Variants in CFTR observed in about 807,000 individuals in gnomAD.
CFTR encodes the protein cystic fibrosis transmembrane conductance regulator.
Under a neutral mutation model 171.6 loss-of-function variants are expected in CFTR, and 181 were observed. That is an observed-to-expected ratio of 1.05 (90% confidence interval 0.93 to 1.19). The LOEUF (loss-of-function observed/expected upper bound fraction) is 1.19, where lower values mean the gene tolerates loss of function less well. Ranked by LOEUF, CFTR falls within the 50% of genes most tolerant of loss-of-function variation. CFTR has a pLI of 0.00. For missense variants in CFTR, 1,968 were observed against 1,734.7 expected, an observed-to-expected ratio of 1.13 and a Z score of -2.39; for synonymous variants, 583 against 608.0, an observed-to-expected ratio of 0.96 and a Z score of 0.60.
chr7:117,530,264 A>G (rs768886385), intron 3 of CFTR, among the ~76,000 whole-genome samples: 4 of 152,152 alleles, frequency 2.6e-5, no homozygotes, highest in Non-Finnish European at 5.9e-5. Context: ...AGGGACTAGC[A>G]TTGGAAGTGG....
At chr7:117,604,712 C>T (rs988520588) in intron 17 of CFTR, 1 of 152,162 alleles carries the variant, frequency 6.6e-6, no homozygotes, top group African/African-American at 2.4e-5. Flanking sequence ...ATGTGTGTTG[C>T]TGAAATATTG....
intron 2 of CFTR, among the ~76,000 whole-genome samples, chr7:117,506,496 T>C (rs1798419618): frequency 6.6e-6 from 1 of 152,194 alleles, no homozygotes; most frequent in African/African-American, 2.4e-5. Context: ...TCTGCCCACC[T>C]TGGCCTCCCA....
chr7:117,561,429 G>T (rs1196098157), intron 11 of CFTR, among the ~76,000 whole-genome samples: 2 of 151,940 alleles, frequency 1.3e-5, no homozygotes, highest in Non-Finnish European at 2.9e-5. Flanking sequence ...CTCTTGAAAA[G>T]AAATCCTGTG....
At chr7:117,613,920 A>G (rs2116093723) in intron 20 of CFTR, among the ~76,000 whole-genome samples, 1 of 151,058 alleles carries the variant, frequency 6.6e-6, no homozygotes, top group Middle Eastern at 3.5e-3. Context: ...ATGAATTTTA[A>G]TTAGCTGTCC....
chr7:117,648,656 C>T (rs1381934608), intron 23 of CFTR, among the ~76,000 whole-genome samples: 1 of 152,054 alleles, frequency 6.6e-6, no homozygotes, highest in African/African-American at 2.4e-5. Flanking sequence ...GGGCAAACCA[C>T]GTAACTTCTC....
chr7:117,613,182 C>A (rs1792431805), intron 20 of CFTR, among the ~76,000 whole-genome samples: 1 of 152,104 alleles, frequency 6.6e-6, no homozygotes, highest in African/African-American at 2.4e-5. Context: ...AAAATAAGAT[C>A]AAAGAAGGCT....
At chr7:117,558,803 CTTTG>C (rs1799405899) in intron 10 of CFTR, among the ~76,000 whole-genome samples, 1 of 152,004 alleles carries the variant, frequency 6.6e-6, no homozygotes, top group Non-Finnish European at 1.5e-5. Context: ...ACCCCATTTC[CTTTG>C]TTTGTTTATT....
chr7:117,642,456 AC>A lies in CFTR; in HGVS notation c.3737del (p.Thr1246MetfsTer13). The A allele has an allele frequency of 6.2e-7, 1 of 1,613,678 alleles. No individual in the cohort carries two copies. Among genetic ancestry groups the A allele is most frequent in the Non-Finnish European group, 8.5e-7 (1 of 1,179,690 alleles). On this transcript the variant is annotated frameshift_variant, in exon 23 of 27. Coordinates refer to ENST00000003084, the MANE Select transcript of CFTR (RefSeq NM_000492.4). LOFTEE classifies it high-confidence loss of function. ...PGQRVGLLGR[T>X]GSGKSTLLSA... ...CTTATAGGTGGGCCTCTTGGGAAGA[AC>A]TGGATCAGGGAAGAGTACTTTGTTA...
At chr7:117,510,641 G>A (rs1280644490) in intron 3 of CFTR, among the ~76,000 whole-genome samples, 2 of 151,994 alleles carry the variant, frequency 1.3e-5, no homozygotes, top group Non-Finnish European at 2.9e-5. Context: ...TGCTTGGCTT[G>A]TAAAATAATT....
chr7:117,585,734 T>A (rs1791923330), intron 11 of CFTR, among the ~76,000 whole-genome samples: 1 of 152,158 alleles, frequency 6.6e-6, no homozygotes, highest in Non-Finnish European at 1.5e-5. Context: ...CTCGAATTCC[T>A]GGGTTCAAGC....
At chr7:117,510,269 T>G (rs2116643482) in intron 3 of CFTR, among the ~76,000 whole-genome samples, 1 of 152,198 alleles carries the variant, frequency 6.6e-6, no homozygotes, top group East Asian at 1.9e-4. Flanking sequence ...TTTGAGATGA[T>G]TTTTCTCAAT....
intron 11 of CFTR, chr7:117,560,832 T>C (rs550801198): frequency 6.6e-6 from 1 of 152,250 alleles, no homozygotes; most frequent in South Asian, 2.1e-4. Flanking sequence ...CAAAAAAATC[T>C]GAGTGTTTCT....
chr7:117,571,308 A>G (rs1584803502), intron 11 of CFTR, among the ~76,000 whole-genome samples: 1 of 152,232 alleles, frequency 6.6e-6, no homozygotes, highest in South Asian at 2.1e-4. Flanking sequence ...GAGCAGGAAC[A>G]GATTTCAAGA....
intron 3 of CFTR, among the ~76,000 whole-genome samples, chr7:117,511,525 C>T (rs1036458055): frequency 1.3e-5 from 2 of 152,156 alleles, no homozygotes; most frequent in African/African-American, 2.4e-5. Flanking sequence ...AAGGGGAAAG[C>T]GTGTTTCCAT....
chr7:117,616,878 A>G (rs1378799845), intron 21 of CFTR, among the ~76,000 whole-genome samples: 1 of 152,138 alleles, frequency 6.6e-6, no homozygotes, highest in Middle Eastern at 3.2e-3. Flanking sequence ...GTTTATGGGC[A>G]TTTATCTGGT....
intron 11 of CFTR, among the ~76,000 whole-genome samples, chr7:117,571,799 T>C (rs2082056): frequency 0.42 from 63,908 of 151,776 alleles, 13,725 homozygotes; most frequent in South Asian, 0.49. Context: ...GAGTTACATA[T>C]ACTTACAACT....
intron 11 of CFTR, among the ~76,000 whole-genome samples, chr7:117,569,919 A>G (rs1486965048): frequency 6.6e-6 from 1 of 152,190 alleles, no homozygotes; most frequent in African/African-American, 2.4e-5. Flanking sequence ...ACTCTCGTGT[A>G]ACTTACATTC....
At chr7:117,654,187 G>T (rs183085343) in intron 24 of CFTR, among the ~76,000 whole-genome samples, 23 of 152,250 alleles carry the variant, frequency 1.5e-4, no homozygotes, top group Admixed American at 1.3e-3. Flanking sequence ...ATGCCTGGTG[G>T]TTCTACTGGT....
intron 1 of CFTR, among the ~76,000 whole-genome samples, chr7:117,490,806 C>A (rs1798148774): frequency 6.6e-6 from 1 of 151,936 alleles, no homozygotes. Context: ...TGAGAAAGTA[C>A]CTCTCTTCTC....
Sources: allele counts gnomAD v4.1 joint callset (sites outside exome capture counted in the v4.1 genomes callset), GRCh38; gene constraint gnomAD v4.1.1; transcripts MANE v1.5; gene names NCBI Gene and HGNC (gene_info 2026-07-23, HGNC 2026-07-21).